Variants in SEMA4C observed in about 807,000 individuals in gnomAD.
SEMA4C encodes the protein semaphorin 4C, also known as semaphorin-4C.
Under a neutral mutation model 89.0 loss-of-function variants are expected in SEMA4C, and 19 were observed. The ratio of observed to expected loss-of-function variants is 0.21; its 90% confidence interval spans 0.15 to 0.31. The LOEUF (loss-of-function observed/expected upper bound fraction) is 0.31, where lower values mean the gene tolerates loss of function less well. Among genes scored for constraint, SEMA4C ranks in the 10% least tolerant of loss-of-function variants. The pLI is 1.00. For synonymous variants in SEMA4C, 428 were observed against 472.7 expected, an observed-to-expected ratio of 0.91 and a Z score of 1.23; for missense variants, 811 against 1,107.0, an observed-to-expected ratio of 0.73 and a Z score of 3.79.
chr2:96,870,629 A>G, upstream of SEMA4C: 1 of 985,456 alleles, frequency 1.0e-6, no homozygotes, highest in Non-Finnish European at 1.2e-6. Flanking sequence ...GGGCTTCACC[A>G]GCCAGGAAGA....
At chr2:96,868,682 G>A (rs1354475612) in intron 1 of SEMA4C, 17 of 985,332 alleles carry the variant, frequency 1.7e-5, no homozygotes, top group African/African-American at 1.0e-4. Flanking sequence ...TCTGGCGGAG[G>A]GGCGGTGGGG....
rs191243604 is a variant in SEMA4C, at chr2:96,869,114, C to G, written c.-38+762G>C. On this transcript the variant is annotated intron_variant, in intron 1 of 14. Transcript: ENST00000305476. The stretch of plus-strand genomic sequence containing the variant: ...GACGCCCCCTGTCGGCCCAGAGCCC[C>G]GGCGCGGGAGAGCGGGGGCTGCGCC... 5,382 of 985,328 alleles carry G rather than the reference C, an allele frequency of 5.5e-3. 178 individuals are homozygous for G. In the African/African-American group the frequency reaches 0.081, roughly 15 times the overall value. The allele number at this position is 985,328 out of a possible 1,614,324, so 61.0% of individuals were successfully genotyped here.
Position 96,867,767 on chromosome 2 carries a change from C to T in SEMA4C, c.109+11G>A. On this transcript the variant is annotated intron_variant, in intron 2 of 14. Coordinates refer to ENST00000305476, the MANE Select transcript of SEMA4C (RefSeq NM_017789.5). ...GTCCCTGACTTCCTCCTCACCCCTCCAGGCACTCACCCCCAGAAGACACTG... is the reference window on the plus strand; with the variant it reads ...GTCCCTGACTTCCTCCTCACCCCTCTAGGCACTCACCCCCAGAAGACACTG... 6.2e-7 allele frequency: 1 copy of T among 1,612,784 alleles called. No homozygotes were observed. Among genetic ancestry groups the T allele is most frequent in the Non-Finnish European group, 8.5e-7 (1 of 1,179,216 alleles).
intron 11 of SEMA4C, 41 bp downstream of exon 11, chr2:96,863,885 C>T (rs949797561): frequency 2.5e-6 from 4 of 1,597,470 alleles, no homozygotes; most frequent in African/African-American, 2.7e-5. Context: ...CGGGCTTCTG[C>T]CCAGCCTTGA....
Position 96,864,415 on chromosome 2 carries a change from A to G in SEMA4C, c.963-33T>C. On this transcript the variant is annotated intron_variant, in intron 9 of 14. Coordinates refer to ENST00000305476, the MANE Select transcript of SEMA4C (RefSeq NM_017789.5). The surrounding 1 kb of genome is among the most constrained non-coding windows in gnomAD (Gnocchi z 6.3). The stretch of plus-strand genomic sequence containing the variant: ...AGCGAGAGGGAGCCCAGGGTCAGGT[A>G]CCCACCTTATCTCTTCCCACCCCAG... The G allele has an allele frequency of 1.9e-6, 3 of 1,610,034 alleles. No homozygotes were observed. Among genetic ancestry groups the G allele is most frequent in the Non-Finnish European group, 2.5e-6 (3 of 1,179,670 alleles).
Position 96,860,525 on chromosome 2 carries a change from A to C in SEMA4C, c.*101T>G. On this transcript the variant is annotated 3_prime_UTR_variant, in exon 15 of 15. Transcript: ENST00000305476. Reference sequence around the variant, plus strand: ...GGGTGCTGGGCAGTATCTGTCCCAGACAGAGCAGGTGCCCGTGCCATGTCC... The same window carrying C: ...GGGTGCTGGGCAGTATCTGTCCCAGCCAGAGCAGGTGCCCGTGCCATGTCC... The C allele has an allele frequency of 9.2e-7, 1 of 1,083,548 alleles. No homozygotes were observed. Among genetic ancestry groups the C allele is most frequent in the East Asian group, 2.5e-5 (1 of 40,368 alleles). The allele number at this position is 1,083,548 out of a possible 1,614,324, so 67.1% of individuals were successfully genotyped here. A position where few individuals can be genotyped will look rare whatever the true frequency, so the allele number is the denominator to read the frequency against.
At position 96,865,014 on chromosome 2, in the gene SEMA4C, A is replaced by C; in HGVS notation, c.736T>G (p.Ser246Ala). ...YFFFRERAVESDCYAEQVVAR... is the reference protein window; with the variant it reads ...YFFFRERAVEADCYAEQVVAR... ...ACCACCTGCTCGGCATAGCAGTCGG[A>C]CTCCACTGCCCGCTCCCTGAAGAAG... Residue 246 changes from serine to alanine, a missense_variant, in exon 8 of 15, where the codon TCC (serine) becomes GCC (alanine). Ser to Ala is a moderately conservative substitution (Grantham distance 99). Transcript: ENST00000305476. 1 of 1,559,896 alleles carries C rather than the reference A, an allele frequency of 6.4e-7. No homozygotes were observed. The highest frequency in any genetic ancestry group is 8.7e-7 in the Non-Finnish European group (1 of 1,151,956).
chr2:96,862,333 T>C (rs61173747), intron 12 of SEMA4C: 4,517 of 166,870 alleles, frequency 0.027, 186 homozygotes, highest in African/African-American at 0.09. Flanking sequence ...TCTGCCATTA[T>C]TCCATGTTCT....
At position 96,860,498 on chromosome 2, in the gene SEMA4C, G is replaced by C; in HGVS notation, c.*128C>G. ...GAGCAGAGCAGGTCCTCATGGCCGGGTGGGTGCTGGGCAGTATCTGTCCCA... is the reference window on the plus strand; with the variant it reads ...GAGCAGAGCAGGTCCTCATGGCCGGCTGGGTGCTGGGCAGTATCTGTCCCA... On this transcript the variant is annotated 3_prime_UTR_variant, in exon 15 of 15. Coordinates refer to ENST00000305476, the MANE Select transcript of SEMA4C (RefSeq NM_017789.5). The C allele has an allele frequency of 1.2e-6, 1 of 833,666 alleles. No homozygotes were observed. The highest frequency in any genetic ancestry group is 1.8e-6 in the Non-Finnish European group (1 of 550,866). 51.6% of individuals were successfully genotyped at this position (833,666 alleles called of 1,614,324 possible).
chr2:96,868,998 CGGGTCCCCCCG>C, intron 1 of SEMA4C: 1 of 985,384 alleles, frequency 1.0e-6, no homozygotes, highest in Non-Finnish European at 1.2e-6. Context: ...GACCCCGTCC[CGGGTCCCCCCG>C]GGTTCTCCCC....
Position 96,861,988 on chromosome 2 carries a change from C to T in SEMA4C, c.1444-94G>A. On this transcript the variant is annotated intron_variant, in intron 12 of 14. Coordinates refer to ENST00000305476, the MANE Select transcript of SEMA4C (RefSeq NM_017789.5). The surrounding 1 kb of genome is among the most constrained non-coding windows in gnomAD (Gnocchi z 7.8). ...GAACGCAGCATGGGGACAGCTTGGA[C>T]TCCTGCAGGGGGCACAGCACGGGGC... The T allele has an allele frequency of 7.3e-7, 1 of 1,377,826 alleles. No homozygotes were observed. The highest frequency in any genetic ancestry group is 9.9e-7 in the Non-Finnish European group (1 of 1,013,502). The allele number at this position is 1,377,826 out of a possible 1,614,324, so 85.4% of individuals were successfully genotyped here. A position where few individuals can be genotyped will look rare whatever the true frequency, so the allele number is the denominator to read the frequency against.
intron 1 of SEMA4C, chr2:96,869,600 C>T (rs1005219145): frequency 1.0e-6 from 1 of 985,170 alleles, no homozygotes; most frequent in African/African-American, 1.7e-5. Context: ...GGATCCCGGC[C>T]GCGGACCGGA....
In SEMA4C at chr2:96,865,638, G is replaced by A. The variant is rs1468967123; in HGVS notation, c.420+28C>T. 2.7e-6 allele frequency: 4 copies of A among 1,486,908 alleles called. No individual in the cohort carries two copies. The African/African-American group carries it at 5.5e-5, about 21-fold the overall frequency. 92.1% of individuals were successfully genotyped at this position (1,486,908 alleles called of 1,614,324 possible). ...AGGGTGAGGAGGGCGGGGGGCTGGG[G>A]ACACCGAGGTAGGAGGGCAGCACTC... On this transcript the variant is annotated intron_variant, in intron 5 of 14. Transcript: ENST00000305476.
intron 1 of SEMA4C, chr2:96,869,269 A>C (rs2080153456): frequency 1.0e-6 from 1 of 985,186 alleles, no homozygotes; most frequent in Non-Finnish European, 1.2e-6. Context: ...CCCCAGGGCG[A>C]GGAAACGGGC....
chr2:96,865,816 GGA>G, intron 4 of SEMA4C, 49 bp downstream of exon 4: 1 of 1,613,452 alleles, frequency 6.2e-7, no homozygotes, highest in Non-Finnish European at 8.5e-7. Context: ...CAGAATGGGA[GGA>G]GACGTCCTGG....
In SEMA4C at chr2:96,867,881, G is replaced by C. The variant is rs918706687; in HGVS notation, c.6C>G (p.Ala2=). M[A]PHWAVWLLAA... Reference sequence around the variant, plus strand: ...CCAGCAGCCAGACAGCCCAGTGTGGGGCCATGGCGCACGCCCCGGCTCTGA... The same window carrying C: ...CCAGCAGCCAGACAGCCCAGTGTGGCGCCATGGCGCACGCCCCGGCTCTGA... The change falls in exon 2 of 15, where the codon GCC becomes GCG. Residue 2 remains alanine, a synonymous_variant. Transcript: ENST00000305476. The C allele has an allele frequency of 2.5e-6, 4 of 1,613,546 alleles. No homozygotes were observed. The highest frequency in any genetic ancestry group is 1.6e-4 in the Middle Eastern group (1 of 6,062).
chr2:96,868,004 A>C, intron 1 of SEMA4C, 81 bp from the exon 2 acceptor site: 1 of 1,539,828 alleles, frequency 6.5e-7, no homozygotes, highest in Non-Finnish European at 8.7e-7. Context: ...AGGCCACAGG[A>C]CTCCTCATCA....
chr2:96,861,967 G>T lies in SEMA4C; in HGVS notation c.1444-73C>A. The T allele has an allele frequency of 6.7e-7, 1 of 1,496,142 alleles. No individual in the cohort carries two copies. The highest frequency in any genetic ancestry group is 9.0e-7 in the Non-Finnish European group (1 of 1,111,834). The allele number at this position is 1,496,142 out of a possible 1,614,324, so 92.7% of individuals were successfully genotyped here. A position where few individuals can be genotyped will look rare whatever the true frequency, so the allele number is the denominator to read the frequency against. On this transcript the variant is annotated intron_variant, in intron 12 of 14. Transcript: ENST00000305476. This position sits in a 1 kb window ranked among gnomAD's most constrained non-coding sequence, Gnocchi z 7.8. ...ACGGGAGGGGCGGCCGGACCAGAAC[G>T]CAGCATGGGGACAGCTTGGACTCCT...
Position 96,861,471 on chromosome 2 carries a change from A to C in SEMA4C, c.1673-16T>G. ...GTGGGCCTGACTGTAGTGGCAGAGA[A>C]AACAGAGTGCATGTTAGTGCAGGAA... On this transcript the variant is annotated splice_polypyrimidine_tract_variant and intron_variant, in intron 14 of 14. Transcript: ENST00000305476. This position sits in a 1 kb window ranked among gnomAD's most constrained non-coding sequence, Gnocchi z 7.8. 1.2e-5 allele frequency: 19 copies of C among 1,612,808 alleles called. No individual in the cohort carries two copies. The highest frequency in any genetic ancestry group is 1.5e-5 in the Non-Finnish European group (18 of 1,179,340).
Sources: allele counts gnomAD v4.1 joint callset, GRCh38; gene constraint gnomAD v4.1.1; non-coding constraint Gnocchi (gnomAD v3.1); transcripts MANE v1.5; gene names NCBI Gene and HGNC (gene_info 2026-07-23, HGNC 2026-07-21).